FAM184A: variants seen among roughly 807,000 people sequenced by gnomAD.
The protein encoded by FAM184A is family with sequence similarity 184 member A.
Under a neutral mutation model 143.8 loss-of-function variants are expected in FAM184A, and 99 were observed. The ratio of observed to expected loss-of-function variants is 0.69; its 90% CI spans 0.58 to 0.81. The LOEUF (loss-of-function observed/expected upper bound fraction) is 0.81. FAM184A is among the 40% of genes least tolerant of loss of function. The pLI, the probability that FAM184A is intolerant of heterozygous loss-of-function variation, is 0.00. For synonymous variants in FAM184A, 427 were observed against 446.4 expected, an observed-to-expected ratio of 0.96 and a Z score of 0.55; for missense variants, 1,217 against 1,310.5, an observed-to-expected ratio of 0.93 and a Z score of 1.10.
chr6:118,975,770 A>G, intron 12 of FAM184A, 147 bp downstream of exon 12: 1 of 820,312 alleles, frequency 1.2e-6, no homozygotes, highest in Non-Finnish European at 1.8e-6. Context: ...AAATAAATAA[A>G]TAACTGAATC....
chr6:119,062,222 C>A (rs1787285942), intron 1 of FAM184A, among the ~76,000 whole-genome samples: 1 of 152,180 alleles, frequency 6.6e-6, no homozygotes, highest in Non-Finnish European at 1.5e-5. Flanking sequence ...AGAAAAATAA[C>A]TACTTCAAGA....
intron 1 of FAM184A, among the ~76,000 whole-genome samples, chr6:119,047,339 GA>G (rs1786579105): frequency 6.6e-6 from 1 of 152,116 alleles, no homozygotes; most frequent in South Asian, 2.1e-4. Flanking sequence ...CAAAAAACTA[GA>G]AATTAAACTA....
chr6:119,083,495 T>A (rs1788130998), upstream of FAM184A, among the ~76,000 whole-genome samples: 1 of 152,234 alleles, frequency 6.6e-6, no homozygotes, highest in Admixed American at 6.5e-5. Context: ...CATATGACTG[T>A]ATGCTTTCAG....
intron 1 of FAM184A, among the ~76,000 whole-genome samples, chr6:119,094,401 CTGTTATAA>C (rs67681097): frequency 0.078 from 11,894 of 152,128 alleles, 598 homozygotes; most frequent in East Asian, 0.23. Flanking sequence ...AATTCCACTA[CTGTTATAA>C]TTACCATTGC....
intron 1 of FAM184A, among the ~76,000 whole-genome samples, chr6:119,062,368 G>A (rs151175664): frequency 8.1e-4 from 123 of 152,196 alleles, no homozygotes; most frequent in Middle Eastern, 3.4e-3. Context: ...CAGGGCATAA[G>A]ATTGGTTAGT....
chr6:119,093,039 C>A (rs141124572), intron 1 of FAM184A, among the ~76,000 whole-genome samples: 1 of 152,284 alleles, frequency 6.6e-6, no homozygotes, highest in East Asian at 1.9e-4. Context: ...AGTGCAGCTA[C>A]CTGGACTCTC....
Position 119,023,023 on chromosome 6 carries a change from G to A in FAM184A, c.1072C>T (p.His358Tyr), listed in dbSNP as rs1785502641. 1.2e-6 allele frequency: 2 copies of A among 1,614,122 alleles called. No homozygotes were observed. Among genetic ancestry groups the A allele is most frequent in the Non-Finnish European group, 1.7e-6 (2 of 1,180,024 alleles). The change falls in exon 3 of 18, where the codon CAC (histidine) becomes TAC (tyrosine). Residue 358 changes from histidine (H) to tyrosine (Y), a missense_variant. By Grantham distance (83) the His-to-Tyr change is moderately conservative (BLOSUM62 2). Coordinates refer to ENST00000338891, the MANE Select transcript of FAM184A (RefSeq NM_024581.6). Reference sequence around the variant, plus strand: ...GCTAGCTCACTTTCCACTTCTTTGTGCTTGCTTAATAGGGCCATTTCTCCC... The same window carrying A: ...GCTAGCTCACTTTCCACTTCTTTGTACTTGCTTAATAGGGCCATTTCTCCC... ...KEGEMALLSK[H>Y]KEVESELAAA...
intron 1 of FAM184A, among the ~76,000 whole-genome samples, chr6:119,143,671 C>T (rs917532250): frequency 6.6e-6 from 1 of 152,188 alleles, no homozygotes; most frequent in Admixed American, 6.5e-5. Context: ...CTTAAATGAA[C>T]CTTTAGGACA....
chr6:119,099,238 A>C (rs1027507657), intron 1 of FAM184A, among the ~76,000 whole-genome samples: 1 of 152,038 alleles, frequency 6.6e-6, no homozygotes, highest in Admixed American at 6.6e-5. Context: ...TATCCTTCGC[A>C]ATCTCCTTTG....
intron 9 of FAM184A, among the ~76,000 whole-genome samples, chr6:119,001,310 AG>A (rs1004723919): frequency 6.6e-6 from 1 of 151,696 alleles, no homozygotes; most frequent in African/African-American, 2.4e-5. Flanking sequence ...GTGTGGAAAA[AG>A]GAAGATATTA....
chr6:119,033,149 A>G (rs1785954261), intron 1 of FAM184A, among the ~76,000 whole-genome samples: 1 of 152,222 alleles, frequency 6.6e-6, no homozygotes, highest in Admixed American at 6.5e-5. Context: ...TTATGTTTCT[A>G]TAAAATGGGT....
chr6:119,136,050 G>A (rs1404721207), intron 1 of FAM184A, among the ~76,000 whole-genome samples: 3 of 148,976 alleles, frequency 2.0e-5, no homozygotes, highest in East Asian at 2.0e-4. Flanking sequence ...AGGCCGAGGC[G>A]GGTGGATCAT....
chr6:118,963,887 C>T lies in FAM184A; in HGVS notation c.3138+780G>A, dbSNP rs142674654. 52 of 152,026 alleles carry T rather than the reference C, an allele frequency of 3.4e-4. 1 individual carries two copies. In the East Asian group the frequency reaches 9.7e-3, roughly 28 times the overall value. 9.4% of individuals were successfully genotyped at this position (152,026 alleles called of 1,614,324 possible). The stretch of plus-strand genomic sequence containing the variant: ...CAACTGAACAAATATTTACTGAATA[C>T]CTACTATACCCAAAACATGATTGGA... On this transcript the variant is annotated intron_variant, in intron 16 of 17. Transcript: ENST00000338891.
At chr6:118,978,934 A>C (rs767823401) in intron 11 of FAM184A, among the ~76,000 whole-genome samples, 1 of 152,228 alleles carries the variant, frequency 6.6e-6, no homozygotes, top group Non-Finnish European at 1.5e-5. Context: ...TAGAAATCTC[A>C]AAGAAATATA....
intron 9 of FAM184A, among the ~76,000 whole-genome samples, chr6:118,986,579 G>A (rs999845951): frequency 3.9e-5 from 6 of 152,136 alleles, no homozygotes; most frequent in African/African-American, 7.2e-5. Context: ...TTATAAAAGA[G>A]ATTTCATTGT....
At chr6:119,107,445 G>C (rs766593202) in intron 1 of FAM184A, among the ~76,000 whole-genome samples, 4 of 152,162 alleles carry the variant, frequency 2.6e-5, no homozygotes, top group African/African-American at 4.8e-5. Flanking sequence ...GCAAAAAAGA[G>C]TCTTACATAA....
At chr6:119,038,974 T>A (rs576251531) in intron 1 of FAM184A, among the ~76,000 whole-genome samples, 2 of 152,172 alleles carry the variant, frequency 1.3e-5, no homozygotes, top group East Asian at 3.9e-4. Flanking sequence ...AGAAAATGAG[T>A]AATCTGATTT....
At chr6:119,094,123 C>A (rs1477307588) in intron 1 of FAM184A, among the ~76,000 whole-genome samples, 1 of 151,384 alleles carries the variant, frequency 6.6e-6, no homozygotes, top group African/African-American at 2.4e-5. Context: ...TCTCACTCTG[C>A]TGCCCAGGCA....
chr6:119,045,394 T>C (rs1387949911), intron 1 of FAM184A, among the ~76,000 whole-genome samples: 1 of 151,960 alleles, frequency 6.6e-6, no homozygotes, highest in East Asian at 1.9e-4. Context: ...CTAATTGTCC[T>C]TCTTAAACCT....
Sources: gnomAD v4.1 joint callset for allele counts (sites outside exome capture counted in the v4.1 genomes callset) on GRCh38, gnomAD v4.1.1 for gene constraint, MANE v1.5 for transcripts, NCBI Gene and HGNC (gene_info 2026-07-23, HGNC 2026-07-21) for gene names.